The following IL3RA variants were observed in gnomAD, a reference collection of about 807,000 sequenced individuals.
The protein encoded by IL3RA is interleukin-3 receptor subunit alpha.
In IL3RA, 73 loss-of-function variants were observed where a neutral mutation model predicts 52.3. The ratio of observed to expected loss-of-function variants is 1.40; its 90% confidence interval spans 1.16 to 1.70. The LOEUF is 1.70. Ranked by LOEUF, IL3RA falls within the 40% of genes most tolerant of loss-of-function variation. The pLI is 0.00. For synonymous variants in IL3RA, 260 were observed against 194.0 expected (o/e 1.34, Z -2.83); for missense variants, 664 against 504.4 (o/e 1.32, Z -3.03).
intron 7 of IL3RA, among the ~76,000 whole-genome samples, chrX:1,356,727 G>A (rs1384651643): frequency 3.3e-5 from 5 of 151,068 alleles, no homozygotes; most frequent in African/African-American, 4.9e-5. Context: ...AGCCGAGATC[G>A]CGCCATTGCA....
chrX:1,361,099 C>G (rs2087283081), intron 8 of IL3RA, among the ~76,000 whole-genome samples: 1 of 137,876 alleles, frequency 7.3e-6, no homozygotes. Context: ...CTCTGTCTCT[C>G]TCTCCCTTCC....
At chrX:1,346,236 C>A (rs774469361) in intron 3 of IL3RA, among the ~76,000 whole-genome samples, 1 of 151,808 alleles carries the variant, frequency 6.6e-6, no homozygotes, top group Admixed American at 6.6e-5. Flanking sequence ...GCCAGGAGTT[C>A]GAGACTAGTC....
At chrX:1,366,254 C>G (rs866904273) in intron 9 of IL3RA, among the ~76,000 whole-genome samples, 100 of 3,908 alleles carry the variant, frequency 0.026, 1 homozygote, top group South Asian at 0.042. Flanking sequence ...CGGGGTGAGC[C>G]GGGTGCGCGG....
At chrX:1,361,576 C>G (rs1342719423) in intron 8 of IL3RA, among the ~76,000 whole-genome samples, 1 of 151,762 alleles carries the variant, frequency 6.6e-6, no homozygotes, top group Non-Finnish European at 1.5e-5. Flanking sequence ...ATGGTGAAAC[C>G]TAGCTCTACT....
At chrX:1,347,845 T>C (rs1332344889) in intron 3 of IL3RA, among the ~76,000 whole-genome samples, 6 of 149,232 alleles carry the variant, frequency 4.0e-5, no homozygotes, top group East Asian at 2.0e-4. Context: ...GAGACCCTCC[T>C]GGCTAACACG....
At chrX:1,351,258 T>C (rs1445001325) in intron 4 of IL3RA, among the ~76,000 whole-genome samples, 1 of 152,184 alleles carries the variant, frequency 6.6e-6, no homozygotes, top group Non-Finnish European at 1.5e-5. Flanking sequence ...CATATTATTA[T>C]TATTTTTTAC....
Position 1,351,572 on chromosome X carries a change from T to A in IL3RA, c.299-528T>A, listed in dbSNP as rs1445529088. Among the ~76,000 whole-genome samples, 56 of 139,362 alleles carry A rather than the reference T, an allele frequency of 4.0e-4. No homozygotes were observed. The Middle Eastern group carries it at 0.022, about 54-fold the overall frequency. The allele number at this position is 139,362 out of a possible 152,430, so 91.4% of individuals were successfully genotyped here. A position where few individuals can be genotyped will look rare whatever the true frequency, so the allele number is the denominator to read the frequency against. ...TCGAACTCCGGACCTCAGGTGATCC[T>A]CCTGCCTCGGCCTCCCAAAGTGCTG... is the stretch of plus-strand genomic sequence containing the variant. On this transcript the variant is annotated intron_variant, in intron 4 of 11. Transcript: ENST00000331035.
Position 1,359,003 on chromosome X carries a change from ATAT to A in IL3RA, c.759+122_759+124del, listed in dbSNP as rs201680230. ...AATTCTTATTAATAAAATAATGAAA[ATAT>A]TATTAATAATAAATGTTATTATTCA... On this transcript the variant is annotated intron_variant, in intron 8 of 11. Coordinates refer to ENST00000331035, the MANE Select transcript of IL3RA (RefSeq NM_002183.4). The A allele has an allele frequency of 8.1e-3, 5,803 of 713,782 alleles. 257 individuals are homozygous for A. The African/African-American group carries it at 0.1, about 12-fold the overall frequency. The allele number at this position is 713,782 out of a possible 1,614,324, so 44.2% of individuals were successfully genotyped here.
At chrX:1,352,633 G>A in intron 6 of IL3RA, 127 bp downstream of exon 6, 2 of 1,006,568 alleles carry the variant, frequency 2.0e-6, no homozygotes, top group Non-Finnish European at 2.9e-6. Flanking sequence ...TCCAGAGGCT[G>A]GACGTTGGAG....
chrX:1,340,070 A>T (rs1181572268), intron 1 of IL3RA, among the ~76,000 whole-genome samples: 2 of 151,540 alleles, frequency 1.3e-5, no homozygotes, highest in Non-Finnish European at 2.9e-5. Flanking sequence ...AGCTCGAGCC[A>T]AGAACGGGCT....
At chrX:1,341,520 GCAC>G (rs1303191684) in intron 1 of IL3RA, among the ~76,000 whole-genome samples, 1 of 139,514 alleles carries the variant, frequency 7.2e-6, no homozygotes, top group East Asian at 2.1e-4. Flanking sequence ...GAATATTCGT[GCAC>G]ACATGTAGAA....
Position 1,352,099 on chromosome X carries a change from G to A in IL3RA, c.299-1G>A. ...GTTCTCTTTCATGTTTGTGAACCCA[G>A]GTGGGAAGCCTTGGGCAGGTGCGGA... On this transcript the variant is annotated splice_acceptor_variant, in intron 4 of 11. Coordinates refer to ENST00000331035, the MANE Select transcript of IL3RA (RefSeq NM_002183.4). LOFTEE classifies it high-confidence loss of function. The A allele has an allele frequency of 6.2e-7, 1 of 1,613,664 alleles. No individual in the cohort carries two copies. The highest frequency in any genetic ancestry group is 8.5e-7 in the Non-Finnish European group (1 of 1,179,776).
chrX:1,378,628 G>C, intron 9 of IL3RA, 31 bp from the exon 10 acceptor site: 1 of 1,591,410 alleles, frequency 6.3e-7, no homozygotes, highest in Non-Finnish European at 8.6e-7. Flanking sequence ...GACGGCCCCC[G>C]GTCTGTGACC....
In IL3RA at chrX:1,348,447, A is replaced by G. The variant is rs11547727; in HGVS notation, c.200A>G (p.Tyr67Cys). 6.2e-7 allele frequency: 1 copy of G among 1,613,664 alleles called. No individual in the cohort carries two copies. The highest frequency in any genetic ancestry group is 2.2e-5 in the East Asian group (1 of 44,876). ...DYSMPAVNNSYCQFGAISLCE... is the reference protein window; with the variant it reads ...DYSMPAVNNSCCQFGAISLCE... ...CTCTCTTAGGCAGTGAACAATAGCT[A>G]TTGCCAGTTTGGAGCAATTTCCTTA... Residue 67 changes from tyrosine (Y) to cysteine (C), a missense_variant, in exon 4 of 12, where the codon TAT becomes TGT. Coordinates refer to ENST00000331035, the MANE Select transcript of IL3RA (RefSeq NM_002183.4).
At chrX:1,343,006 A>C (rs17879066) in intron 2 of IL3RA, among the ~76,000 whole-genome samples, 226 of 150,742 alleles carry the variant, frequency 1.5e-3, no homozygotes, top group Non-Finnish European at 2.0e-3. Context: ...ACCCGGGAGG[A>C]GGAGGTTGCA....
intron 10 of IL3RA, among the ~76,000 whole-genome samples, chrX:1,380,145 G>C (rs1258261707): frequency 1.4e-5 from 2 of 147,090 alleles, no homozygotes; most frequent in African/African-American, 2.5e-5. Flanking sequence ...CTGCCCGCCT[G>C]GGCCTCCCAA....
chrX:1,346,105 G>A (rs1385171024), intron 3 of IL3RA, among the ~76,000 whole-genome samples: 4 of 151,692 alleles, frequency 2.6e-5, no homozygotes, highest in African/African-American at 9.7e-5. Flanking sequence ...ATGAGGTCAG[G>A]AGTTCGAGAC....
At chrX:1,338,129 T>C (rs1464406515) in intron 1 of IL3RA, among the ~76,000 whole-genome samples, 4 of 127,924 alleles carry the variant, frequency 3.1e-5, no homozygotes, top group African/African-American at 6.1e-5. Context: ...CCCCCATCTA[T>C]AGATGAAGGG....
chrX:1,379,051 C>T (rs1471229862), intron 10 of IL3RA, among the ~76,000 whole-genome samples: 4 of 152,100 alleles, frequency 2.6e-5, no homozygotes, highest in African/African-American at 7.2e-5. Flanking sequence ...CCATGTTGGC[C>T]AGGCTGGTCT....
Sources: gnomAD v4.1 joint callset for allele counts (sites outside exome capture counted in the v4.1 genomes callset) on GRCh38, gnomAD v4.1.1 for gene constraint, MANE v1.5 for transcripts, NCBI Gene and HGNC (gene_info 2026-07-23, HGNC 2026-07-21) for gene names.